FOXO1: variants seen among roughly 807,000 people sequenced by gnomAD.
FOXO1 encodes the protein forkhead box O1.
A neutral mutation model predicts 44.1 loss-of-function variants in FOXO1; 6 were observed. The observed-to-expected ratio is 0.14, with a 90% CI of 0.07 to 0.27. The LOEUF (loss-of-function observed/expected upper bound fraction) is 0.27, where lower values mean the gene tolerates loss of function less well. Ranked by LOEUF, FOXO1 falls within the 10% of genes least tolerant of loss-of-function variation. FOXO1 has a pLI of 1.00. For missense variants in FOXO1, 737 were observed against 888.8 expected (o/e 0.83, Z 2.17); for synonymous variants, 380 against 362.7 (o/e 1.05, Z -0.54).
intron 1 of FOXO1, among the ~76,000 whole-genome samples, chr13:40,618,164 G>A (rs1373890672): frequency 2.6e-5 from 4 of 151,988 alleles, no homozygotes; most frequent in South Asian, 2.1e-4. Context: ...CTGCAACCCC[G>A]CCTCCCAGGC....
At chr13:40,626,530 T>G (rs893341039) in intron 1 of FOXO1, among the ~76,000 whole-genome samples, 2 of 152,206 alleles carry the variant, frequency 1.3e-5, no homozygotes, top group Non-Finnish European at 2.9e-5. Flanking sequence ...TGCCTAAATT[T>G]TCTTTCCTAT....
intron 1 of FOXO1, among the ~76,000 whole-genome samples, chr13:40,661,205 A>AC (rs971035290): frequency 6.6e-6 from 1 of 151,836 alleles, no homozygotes; most frequent in Non-Finnish European, 1.5e-5. Context: ...TAGCTGCATA[A>AC]CCCCCTCATC....
intron 1 of FOXO1, chr13:40,621,444 A>C (rs1043680404): frequency 4.7e-6 from 1 of 214,972 alleles, no homozygotes; most frequent in Non-Finnish European, 9.3e-6. Flanking sequence ...AACTAGGATG[A>C]AAAATAACAG....
At chr13:40,607,366 T>A (rs2137886651) in intron 1 of FOXO1, among the ~76,000 whole-genome samples, 1 of 152,352 alleles carries the variant, frequency 6.6e-6, no homozygotes, top group South Asian at 2.1e-4. Flanking sequence ...AAGCTGTCCA[T>A]CCTAGGCAAT....
At position 40,560,273 on chromosome 13, in the gene FOXO1, C is replaced by G. The variant is rs1300857603; in HGVS notation, c.1218G>C (p.Ser406=). 2.5e-6 allele frequency: 4 copies of G among 1,614,014 alleles called. No individual in the cohort carries two copies. The highest frequency in any genetic ancestry group is 8.5e-7 in the Non-Finnish European group (1 of 1,180,038). The change falls in exon 2 of 3, where the codon TCG becomes TCC. Residue 406 remains serine (S), a synonymous_variant. Transcript: ENST00000379561. This position sits in a 1 kb window ranked among gnomAD's most constrained non-coding sequence, Gnocchi z 5.1. ...TCAAACTGGTGTTTGGTGGCGCAAA[C>G]GAGTAGCACGGCGTCTGCTGCATCA... ...GTMMQQTPCY[S]FAPPNTSLNS... is the part of the protein sequence containing the mutation.
chr13:40,628,345 A>G (rs1043553525), intron 1 of FOXO1, among the ~76,000 whole-genome samples: 2 of 143,068 alleles, frequency 1.4e-5, no homozygotes, highest in African/African-American at 5.4e-5. Context: ...CTATTCCTCA[A>G]AAGAGCTGTT....
chr13:40,646,813 C>T (rs1027467233), intron 1 of FOXO1, among the ~76,000 whole-genome samples: 5 of 152,068 alleles, frequency 3.3e-5, no homozygotes, highest in East Asian at 1.9e-4. Context: ...AGGGTGGTCT[C>T]GATCTCCTGA....
chr13:40,596,107 G>A lies in FOXO1; in HGVS notation c.631-35247C>T, dbSNP rs141571747. ...TATGATACAACAAAGGGACTTTTAG[G>A]CTGATAAAGTTATGGAACATGAGAC... On this transcript the variant is annotated intron_variant, in intron 1 of 2. Coordinates refer to ENST00000379561, the MANE Select transcript of FOXO1 (RefSeq NM_002015.4). Among the ~76,000 whole-genome samples, 935 of 152,182 alleles carry A rather than the reference G, an allele frequency of 6.1e-3. 3 individuals are homozygous for A. Among genetic ancestry groups the A allele is most frequent in the Non-Finnish European group, 9.9e-3 (673 of 68,008 alleles).
chr13:40,664,699 A>C (rs1320332928), intron 1 of FOXO1, among the ~76,000 whole-genome samples: 4 of 152,096 alleles, frequency 2.6e-5, no homozygotes, highest in Non-Finnish European at 5.9e-5. Context: ...CAGGGGCAAG[A>C]CCAAGTTCGG....
chr13:40,580,637 C>T (rs1182128848), intron 1 of FOXO1, among the ~76,000 whole-genome samples: 2 of 152,150 alleles, frequency 1.3e-5, no homozygotes, highest in African/African-American at 2.4e-5. Context: ...AAATGTCTAG[C>T]CCCTGGCTCC....
intron 1 of FOXO1, chr13:40,620,239 A>C (rs1162815760): frequency 9.1e-6 from 14 of 1,533,932 alleles, no homozygotes; most frequent in Non-Finnish European, 1.3e-5. Flanking sequence ...TCAAGTGAGA[A>C]GGATCCATCC....
chr13:40,580,797 C>T (rs564443842), intron 1 of FOXO1, among the ~76,000 whole-genome samples: 7 of 152,284 alleles, frequency 4.6e-5, no homozygotes, highest in African/African-American at 1.7e-4. Flanking sequence ...ACAAAAGATG[C>T]TGTCATTTGA....
intron 1 of FOXO1, chr13:40,562,614 C>A (rs746983538): frequency 6.6e-6 from 1 of 152,214 alleles, no homozygotes; most frequent in Non-Finnish European, 1.5e-5. Context: ...TGGTATCCTG[C>A]GCCCCAAAGT....
At chr13:40,593,586 ATTAC>A (rs960782880) in intron 1 of FOXO1, among the ~76,000 whole-genome samples, 7 of 152,304 alleles carry the variant, frequency 4.6e-5, no homozygotes, top group South Asian at 4.1e-4. Flanking sequence ...AGTAATACAT[ATTAC>A]TTACTTAATA....
intron 1 of FOXO1, among the ~76,000 whole-genome samples, chr13:40,565,258 T>C (rs555870934): frequency 6.6e-6 from 1 of 152,276 alleles, no homozygotes; most frequent in Admixed American, 6.5e-5. Flanking sequence ...CATGAAGGAA[T>C]GAGACACAGA....
At chr13:40,662,224 A>C (rs1162453273) in intron 1 of FOXO1, among the ~76,000 whole-genome samples, 1 of 151,660 alleles carries the variant, frequency 6.6e-6, no homozygotes, top group Non-Finnish European at 1.5e-5. Context: ...CAAAGAGGAT[A>C]CCTCTAATAA....
At chr13:40,655,303 T>C (rs1484387695) in intron 1 of FOXO1, among the ~76,000 whole-genome samples, 3 of 149,286 alleles carry the variant, frequency 2.0e-5, no homozygotes, top group South Asian at 2.1e-4. Context: ...TGAGCCAAGA[T>C]TGGGCCACCG....
chr13:40,603,101 T>C (rs1017765509), intron 1 of FOXO1, among the ~76,000 whole-genome samples: 3 of 152,178 alleles, frequency 2.0e-5, no homozygotes, highest in Non-Finnish European at 2.9e-5. Flanking sequence ...GGGCTGCCAA[T>C]GGTCCTTCAG....
intron 1 of FOXO1, among the ~76,000 whole-genome samples, chr13:40,581,677 A>C (rs1341350850): frequency 6.6e-6 from 1 of 152,120 alleles, no homozygotes; most frequent in Non-Finnish European, 1.5e-5. Flanking sequence ...ATTTTTTTCC[A>C]TTAAGAAGGT....
Sources: gnomAD v4.1 joint callset for allele counts (sites outside exome capture counted in the v4.1 genomes callset) on GRCh38, gnomAD v4.1.1 for gene constraint, Gnocchi (gnomAD v3.1) non-coding constraint, MANE v1.5 for transcripts, NCBI Gene and HGNC (gene_info 2026-07-23, HGNC 2026-07-21) for gene names.